The following DYNC2LI1 variants were observed in gnomAD, a reference collection of about 807,000 sequenced individuals.
DYNC2LI1 encodes cytoplasmic dynein 2 light intermediate chain 1.
Under a neutral mutation model 51.9 loss-of-function variants are expected in DYNC2LI1, and 45 were observed. That is an observed-to-expected ratio of 0.87 (90% CI 0.68 to 1.11). The LOEUF is 1.11. Ranked by LOEUF, DYNC2LI1 falls within the 50% of genes most tolerant of loss-of-function variation. The pLI is 0.00. For missense variants in DYNC2LI1, 490 were observed against 417.4 expected (o/e 1.17, Z -1.51); for synonymous variants, 130 against 137.8 (o/e 0.94, Z 0.40).
At chr2:43,811,895 G>A (rs1190195428), downstream of DYNC2LI1, among the ~76,000 whole-genome samples, 1 of 152,076 alleles carries the variant, frequency 6.6e-6, no homozygotes, top group Admixed American at 6.5e-5. Context: ...CGCCTGGCCA[G>A]AACCCATTTT....
chr2:43,780,662 C>A (rs566173511), intron 2 of DYNC2LI1, among the ~76,000 whole-genome samples: 4 of 151,984 alleles, frequency 2.6e-5, no homozygotes, highest in Non-Finnish European at 5.9e-5. Flanking sequence ...GGGGAGTTTG[C>A]CAGTCATGGA....
At chr2:43,818,233 C>T in the DYNC2LI1 span, among the ~76,000 whole-genome samples, 16 of 152,124 alleles carry the variant, frequency 1.1e-4, no homozygotes, top group Non-Finnish European at 4.4e-5. Context: ...GGGCGAATCA[C>T]TTGAGGTCGA....
intron 2 of DYNC2LI1, among the ~76,000 whole-genome samples, chr2:43,781,065 T>A (rs1029228300): frequency 1.3e-5 from 2 of 152,092 alleles, no homozygotes; most frequent in African/African-American, 4.8e-5. Context: ...TTATATGAAA[T>A]AATAATAAAA....
intron 2 of DYNC2LI1, among the ~76,000 whole-genome samples, 160 bp downstream of exon 2, chr2:43,777,059 C>G (rs938933096): frequency 1.3e-5 from 2 of 151,978 alleles, no homozygotes; most frequent in African/African-American, 4.8e-5. Flanking sequence ...CTAGGAAAAA[C>G]TATAATAGTA....
chr2:43,808,828 T>A (rs1666370176), intron 12 of DYNC2LI1, among the ~76,000 whole-genome samples: 1 of 152,188 alleles, frequency 6.6e-6, no homozygotes, highest in Non-Finnish European at 1.5e-5. Context: ...ATTTAATCAG[T>A]CCTTACTGGG....
At chr2:43,784,742 T>C (rs2104673668) in intron 3 of DYNC2LI1, among the ~76,000 whole-genome samples, 2 of 152,214 alleles carry the variant, frequency 1.3e-5, no homozygotes, top group South Asian at 4.2e-4. Flanking sequence ...CCCTGAAAAG[T>C]ATTAATTTCA....
chr2:43,789,645 G>A lies in DYNC2LI1; in HGVS notation c.244G>A (p.Ala82Thr), dbSNP rs760977013. Residue 82 changes from alanine to threonine, a missense_variant, in exon 5 of 13, where the codon GCT becomes ACT. Physicochemically the swap from Ala to Thr is moderately conservative, Grantham distance 58 (BLOSUM62 0). Coordinates refer to ENST00000260605, the MANE Select transcript of DYNC2LI1 (RefSeq NM_016008.4). ...TTTTGTTTTTCAGCCAAAAGATATC[G>A]CTCACTTTTGGGAACTCGGTGGAGG... ...AKGHNTPKDI[A>T]HFWELGGGTS... 13 of 1,613,150 alleles carry A rather than the reference G, an allele frequency of 8.1e-6. No individual in the cohort carries two copies. In the East Asian group the frequency reaches 8.9e-5, roughly 11 times the overall value.
chr2:43,792,703 T>C, intron 5 of DYNC2LI1: 4 of 1,548,780 alleles, frequency 2.6e-6, no homozygotes, highest in South Asian at 2.4e-5. Context: ...CCCTACTGCC[T>C]GTCTCTATGA....
the DYNC2LI1 span, among the ~76,000 whole-genome samples, chr2:43,815,996 T>A: frequency 2.6e-5 from 4 of 151,098 alleles, no homozygotes; most frequent in African/African-American, 9.8e-5. Flanking sequence ...GGCCATGAGA[T>A]GGTGGCTGCC....
At chr2:43,794,241 C>G in intron 5 of DYNC2LI1, 4 of 428,056 alleles carry the variant, frequency 9.3e-6, no homozygotes, top group Non-Finnish European at 1.2e-5. Flanking sequence ...AAACTTAGTT[C>G]CACTATTGTA....
chr2:43,813,330 A>T (rs755032783), downstream of DYNC2LI1: 2 of 1,554,804 alleles, frequency 1.3e-6, no homozygotes, highest in Non-Finnish European at 1.8e-6. Flanking sequence ...AAAGATTGAC[A>T]GTGTCAGGTG....
chr2:43,809,226 A>G (rs1666391205), intron 12 of DYNC2LI1, among the ~76,000 whole-genome samples: 1 of 152,130 alleles, frequency 6.6e-6, no homozygotes, highest in African/African-American at 2.4e-5. Flanking sequence ...TCCTGGGCTC[A>G]AGCAATTCTC....
chr2:43,816,122 A>G, the DYNC2LI1 span, among the ~76,000 whole-genome samples: 13 of 152,326 alleles, frequency 8.5e-5, 1 homozygote, highest in South Asian at 2.5e-3. Context: ...ATATCAGAAA[A>G]GAAAACCAAC....
At chr2:43,811,477 C>T (rs901608553), downstream of DYNC2LI1, among the ~76,000 whole-genome samples, 3 of 152,156 alleles carry the variant, frequency 2.0e-5, no homozygotes, top group South Asian at 2.1e-4. Flanking sequence ...CAAGTTCATG[C>T]GCTCTCTACC....
chr2:43,775,349 T>G (rs2104651680), intron 1 of DYNC2LI1, among the ~76,000 whole-genome samples: 1 of 152,360 alleles, frequency 6.6e-6, no homozygotes, highest in African/African-American at 2.4e-5. Flanking sequence ...TGGTTAGTTT[T>G]TAGTTTAATA....
chr2:43,799,145 T>G (rs1180772350), intron 8 of DYNC2LI1, among the ~76,000 whole-genome samples: 1 of 152,072 alleles, frequency 6.6e-6, no homozygotes, highest in Non-Finnish European at 1.5e-5. Context: ...ACAAAAAATT[T>G]TTTTAATTAG....
rs891300476 is a variant in DYNC2LI1, at chr2:43,783,428, A to G, written c.127-92A>G. ...CAGGTAATTTATCATTCAATTGATT[A>G]AAAATCTATTTTGGGCCACAATTAC... On this transcript the variant is annotated intron_variant, in intron 2 of 12. Transcript: ENST00000260605. The G allele has an allele frequency of 3.1e-5, 30 of 968,914 alleles. No individual in the cohort carries two copies. In the African/African-American group the frequency reaches 3.8e-4, roughly 12 times the overall value. 60.0% of individuals were successfully genotyped at this position (968,914 alleles called of 1,614,324 possible). A position where few individuals can be genotyped will look rare whatever the true frequency, so the allele number is the denominator to read the frequency against.
intron 3 of DYNC2LI1, among the ~76,000 whole-genome samples, chr2:43,784,002 G>T (rs1006206157): frequency 6.6e-6 from 1 of 152,074 alleles, no homozygotes; most frequent in African/African-American, 2.4e-5. Flanking sequence ...GTAGAAGCAG[G>T]CCATCAGATT....
At chr2:43,799,297 A>G (rs1025706717) in intron 8 of DYNC2LI1, among the ~76,000 whole-genome samples, 29 of 152,246 alleles carry the variant, frequency 1.9e-4, no homozygotes, top group African/African-American at 6.3e-4. Context: ...GCGAGACCCC[A>G]TCTCTTAAAA....
Sources: allele counts gnomAD v4.1 joint callset (sites outside exome capture counted in the v4.1 genomes callset), GRCh38; gene constraint gnomAD v4.1.1; transcripts MANE v1.5; gene names NCBI Gene and HGNC (gene_info 2026-07-23, HGNC 2026-07-21).